Variants in DGKD observed in about 807,000 individuals in gnomAD.
The protein encoded by DGKD is diacylglycerol kinase delta.
DGKD carries 68 observed loss-of-function variants against 154.4 expected under a neutral mutation model. That is an observed-to-expected ratio of 0.44 (90% confidence interval 0.36 to 0.54). The LOEUF is 0.54. Ranked by LOEUF, DGKD falls within the 20% of genes least tolerant of loss-of-function variation. The pLI, the probability that DGKD is intolerant of heterozygous loss-of-function variation, is 0.00. For missense variants in DGKD, 1,343 were observed against 1,593.6 expected, an observed-to-expected ratio of 0.84 and a Z score of 2.68; for synonymous variants, 693 against 638.0, an observed-to-expected ratio of 1.09 and a Z score of -1.30.
chr2:233,415,361 G>A (rs1397526511), intron 3 of DGKD, among the ~76,000 whole-genome samples: 1 of 152,202 alleles, frequency 6.6e-6, no homozygotes, highest in Non-Finnish European at 1.5e-5. Context: ...CAGGGTGGCT[G>A]CCAGCTGAGT....
At chr2:233,414,244 T>C (rs940341696) in intron 3 of DGKD, among the ~76,000 whole-genome samples, 2 of 152,150 alleles carry the variant, frequency 1.3e-5, no homozygotes, top group Non-Finnish European at 2.9e-5. Flanking sequence ...TGCATTCAGG[T>C]CCCCAGCATC....
At chr2:233,378,005 C>T (rs1421639926) in intron 1 of DGKD, among the ~76,000 whole-genome samples, 1 of 151,944 alleles carries the variant, frequency 6.6e-6, no homozygotes, top group Non-Finnish European at 1.5e-5. Flanking sequence ...GAGACAGGGT[C>T]TGTGTTGCTC....
intron 3 of DGKD, among the ~76,000 whole-genome samples, chr2:233,394,691 CTTTTTTTTTTTTTTT>C (rs1162430401): frequency 7.6e-4 from 20 of 26,386 alleles, no homozygotes; most frequent in East Asian, 6.3e-3. Context: ...ATTTAATTCC[CTTTTTTTTTTTTTTT>C]TTTTTTTTTT....
intron 3 of DGKD, among the ~76,000 whole-genome samples, chr2:233,428,058 C>T (rs533457547): frequency 2.0e-5 from 3 of 152,260 alleles, no homozygotes; most frequent in East Asian, 3.9e-4. Context: ...ATCAGCCTCC[C>T]GAAGAGACTC....
chr2:233,447,485 C>T, intron 12 of DGKD: 1 of 985,170 alleles, frequency 1.0e-6, no homozygotes. Flanking sequence ...CAAGCGAAGA[C>T]TGGTTTGTAC....
chr2:233,443,040 C>T (rs372626453), intron 10 of DGKD, among the ~76,000 whole-genome samples: 2 of 152,204 alleles, frequency 1.3e-5, no homozygotes, highest in African/African-American at 4.8e-5. Flanking sequence ...TGTGTGAGCA[C>T]GGAGATCACT....
At position 233,440,666 on chromosome 2, in the gene DGKD, C is replaced by T. The variant is rs1034359594; in HGVS notation, c.1086-1221C>T. ...AATGCAGTGGGGCCAGGCCAGGCAG[C>T]AGCAGAAAGGTGGCACCTGCCGTCA... is the stretch of plus-strand genomic sequence containing the variant. On this transcript the variant is annotated intron_variant, in intron 9 of 29. Coordinates refer to ENST00000264057, the MANE Select transcript of DGKD (RefSeq NM_152879.3). This position sits in a 1 kb window ranked among gnomAD's most constrained non-coding sequence, Gnocchi z 4.9. 9.8e-5 allele frequency among the ~76,000 whole-genome samples: 15 copies of T among 152,300 alleles called. No homozygotes were observed. The highest frequency in any genetic ancestry group is 3.4e-4 in the African/African-American group (14 of 41,558).
intron 27 of DGKD, 103 bp downstream of exon 27, chr2:233,464,386 T>G: frequency 6.8e-7 from 1 of 1,479,404 alleles, no homozygotes; most frequent in African/African-American, 1.4e-5. Flanking sequence ...ATCAAGATCG[T>G]GTCGCTCCGG....
rs984427725 is a variant in DGKD, at chr2:233,464,290, G to GGCTCATA, written c.3306+9_3306+15dup. ...AGAGCCCGGCGACGAAGAGGTATGT[G>GGCTCATA]GCTCATAGGGCTGTGCCTGGGTCTC... is the stretch of plus-strand genomic sequence containing the variant. On this transcript the variant is annotated splice_region_variant and intron_variant, in intron 27 of 29. Coordinates refer to ENST00000264057, the MANE Select transcript of DGKD (RefSeq NM_152879.3). 5 of 1,612,870 alleles carry GGCTCATA rather than the reference G, an allele frequency of 3.1e-6. No homozygotes were observed. In the African/African-American group the frequency reaches 6.7e-5, roughly 22 times the overall value.
intron 14 of DGKD, among the ~76,000 whole-genome samples, chr2:233,448,867 A>G (rs13016839): frequency 0.089 from 13,567 of 152,254 alleles, 922 homozygotes; most frequent in South Asian, 0.33. Context: ...TCAGCTCGCA[A>G]TCAGTATGGT....
chr2:233,392,187 G>C (rs917824687), intron 3 of DGKD: 1 of 152,116 alleles, frequency 6.6e-6, no homozygotes, highest in Admixed American at 6.6e-5. Context: ...GTTATGCCCA[G>C]ATAATCTTCG....
At chr2:233,428,796 C>G (rs2062402906) in intron 3 of DGKD, among the ~76,000 whole-genome samples, 1 of 152,178 alleles carries the variant, frequency 6.6e-6, no homozygotes, top group African/African-American at 2.4e-5. Context: ...GCAAATTTAT[C>G]AGTGGCCAGG....
chr2:233,390,544 C>T, intron 3 of DGKD, 61 bp downstream of exon 3: 1 of 1,256,900 alleles, frequency 8.0e-7, no homozygotes, highest in Non-Finnish European at 1.2e-6. Context: ...CCTTTTTGAT[C>T]TGAACATGTG....
chr2:233,399,008 T>C (rs1022916556), intron 3 of DGKD, among the ~76,000 whole-genome samples: 3 of 152,222 alleles, frequency 2.0e-5, no homozygotes, highest in Non-Finnish European at 4.4e-5. Flanking sequence ...TATTTACTTA[T>C]TTCTCCAAGT....
At chr2:233,358,127 C>T (rs1701612690) in intron 1 of DGKD, among the ~76,000 whole-genome samples, 1 of 152,144 alleles carries the variant, frequency 6.6e-6, no homozygotes, top group Non-Finnish European at 1.5e-5. Context: ...TTCCTGACTA[C>T]AGTACACAGT....
At chr2:233,453,274 C>T (rs531787464) in intron 18 of DGKD, among the ~76,000 whole-genome samples, 23 of 152,278 alleles carry the variant, frequency 1.5e-4, no homozygotes, top group Middle Eastern at 3.4e-3. Flanking sequence ...CCTGAGCAGC[C>T]CCTGGTACCC....
chr2:233,428,873 T>TG (rs1456335505), intron 3 of DGKD, among the ~76,000 whole-genome samples: 94 of 147,258 alleles, frequency 6.4e-4, no homozygotes, highest in South Asian at 1.3e-3. Flanking sequence ...AGAGGTTTTT[T>TG]TTTGTTGTTG....
chr2:233,401,419 A>C (rs2061554811), intron 3 of DGKD, among the ~76,000 whole-genome samples: 1 of 152,196 alleles, frequency 6.6e-6, no homozygotes, highest in Non-Finnish European at 1.5e-5. Flanking sequence ...TTCTCTGTTT[A>C]CTGAATAATA....
chr2:233,373,902 T>C (rs991016147), intron 1 of DGKD, among the ~76,000 whole-genome samples: 3 of 152,156 alleles, frequency 2.0e-5, no homozygotes, highest in African/African-American at 7.2e-5. Context: ...AAATAACATA[T>C]AGAATAATAA....
Sources: gnomAD v4.1 joint callset for allele counts (sites outside exome capture counted in the v4.1 genomes callset) on GRCh38, gnomAD v4.1.1 for gene constraint, Gnocchi (gnomAD v3.1) non-coding constraint, MANE v1.5 for transcripts, NCBI Gene and HGNC (gene_info 2026-07-23, HGNC 2026-07-21) for gene names.